The following MRPS28 variants were observed in gnomAD, a reference collection of about 807,000 sequenced individuals.
MRPS28 encodes mitochondrial ribosomal protein S28.
In MRPS28, 7 loss-of-function variants were observed where a neutral mutation model predicts 10.8. The ratio of observed to expected loss-of-function variants is 0.65; its 90% CI spans 0.37 to 1.22. MRPS28 has a LOEUF of 1.22. MRPS28 is among the 50% of genes most tolerant of loss of function. The probability of loss-of-function intolerance (pLI) is 0.02; values close to 1 mark genes in which losing one functional copy is unlikely to be tolerated. For synonymous variants in MRPS28, 121 were observed against 93.3 expected (o/e 1.30, Z -1.71); for missense variants, 265 against 232.9 (o/e 1.14, Z -0.90).
chr8:80,002,950 C>A (rs1808702825), intron 2 of MRPS28, 49 bp downstream of exon 2: 4 of 1,416,384 alleles, frequency 2.8e-6, no homozygotes, highest in Non-Finnish European at 3.8e-6. Context: ...TTTGCGCTAT[C>A]CCAACTTTTA....
intron 2 of MRPS28, among the ~76,000 whole-genome samples, chr8:79,966,892 A>G (rs945290741): frequency 1.3e-5 from 2 of 152,182 alleles, no homozygotes; most frequent in Non-Finnish European, 2.9e-5. Flanking sequence ...GGCTATTCCA[A>G]GGTATAAATT....
chr8:80,029,825 A>G lies in MRPS28; in HGVS notation c.213+211T>C, dbSNP rs755004214. On this transcript the variant is annotated intron_variant, in intron 1 of 2. Coordinates refer to ENST00000276585, the MANE Select transcript of MRPS28 (RefSeq NM_014018.3). The stretch of plus-strand genomic sequence containing the variant: ...GTGGACAGACCCGGCCCAGTACGCA[A>G]ATGCCACACAAAAGGACAACGAAAG... 7 of 1,532,264 alleles carry G rather than the reference A, an allele frequency of 4.6e-6. No individual in the cohort carries two copies. The South Asian group carries it at 4.8e-5, about 11-fold the overall frequency. 94.9% of individuals were successfully genotyped at this position (1,532,264 alleles called of 1,614,324 possible).
At chr8:80,024,219 A>T (rs368102831) in intron 1 of MRPS28, among the ~76,000 whole-genome samples, 4 of 149,376 alleles carry the variant, frequency 2.7e-5, no homozygotes, top group East Asian at 1.9e-4. Flanking sequence ...ACAGAGCAAG[A>T]CCCTGTCTGG....
intron 2 of MRPS28, among the ~76,000 whole-genome samples, chr8:79,973,058 T>C (rs1027146267): frequency 1.3e-5 from 2 of 152,198 alleles, no homozygotes; most frequent in Admixed American, 1.3e-4. Flanking sequence ...AAATGCAGTA[T>C]ACTGGTTTGG....
intron 2 of MRPS28, among the ~76,000 whole-genome samples, chr8:79,942,235 T>C (rs1235191527): frequency 6.6e-6 from 1 of 152,212 alleles, no homozygotes; most frequent in African/African-American, 2.4e-5. Flanking sequence ...CAACCAGGAC[T>C]GCACTGACTC....
intron 2 of MRPS28, among the ~76,000 whole-genome samples, chr8:79,929,032 C>T (rs1017805415): frequency 2.0e-5 from 3 of 151,948 alleles, no homozygotes; most frequent in Non-Finnish European, 4.4e-5. Context: ...AGTAACAAAG[C>T]GAGACTCCGT....
At chr8:79,939,459 TA>T (rs764182970) in intron 2 of MRPS28, among the ~76,000 whole-genome samples, 1 of 151,562 alleles carries the variant, frequency 6.6e-6, no homozygotes, top group Non-Finnish European at 1.5e-5. Context: ...ATATTGTGAT[TA>T]AAAAAAAATC....
intron 2 of MRPS28, among the ~76,000 whole-genome samples, chr8:79,955,537 A>G (rs1178033757): frequency 6.6e-6 from 1 of 152,112 alleles, no homozygotes; most frequent in African/African-American, 2.4e-5. Context: ...CTGTGCTGAC[A>G]GTTTCCTCAA....
In MRPS28 at chr8:79,932,828, C is replaced by T. The variant is rs116322731; in HGVS notation, c.396-13680G>A. 6.9e-3 allele frequency among the ~76,000 whole-genome samples: 1,048 copies of T among 152,272 alleles called. 10 individuals are homozygous for T. Among genetic ancestry groups the T allele is most frequent in the African/African-American group, 0.024 (1,005 of 41,556 alleles). On this transcript the variant is annotated intron_variant, in intron 2 of 2. Transcript: ENST00000276585. The stretch of plus-strand genomic sequence containing the variant: ...CACTGATAAAGCTGTCTGTCTTGGT[C>T]AGAATTCACTCAGGACCATGGTAGA...
intron 2 of MRPS28, among the ~76,000 whole-genome samples, chr8:79,974,361 A>AC (rs966937544): frequency 6.6e-6 from 1 of 151,852 alleles, no homozygotes; most frequent in Non-Finnish European, 1.5e-5. Flanking sequence ...TAACACGGTG[A>AC]CCCCTTGTCT....
At chr8:79,988,417 TATA>T (rs901339224) in intron 2 of MRPS28, among the ~76,000 whole-genome samples, 178 of 150,460 alleles carry the variant, frequency 1.2e-3, no homozygotes, top group African/African-American at 4.2e-3. Context: ...AAACTTAAAG[TATA>T]ATAATAATAA....
rs182765669 is a variant in MRPS28 at position 80,026,470 on chromosome 8, A to G, written c.213+3566T>C. 2.0e-5 allele frequency among the ~76,000 whole-genome samples: 3 copies of G among 152,346 alleles called. No individual in the cohort carries two copies. In the East Asian group the frequency reaches 5.8e-4, roughly 29 times the overall value. On this transcript the variant is annotated intron_variant, in intron 1 of 2. Coordinates refer to ENST00000276585, the MANE Select transcript of MRPS28 (RefSeq NM_014018.3). ...ACAGTGACACATATATTACAATTCA[A>G]CGACAGGCCAGGTATAACTGAAGTT...
intron 2 of MRPS28, among the ~76,000 whole-genome samples, chr8:79,984,600 A>G (rs1409344176): frequency 6.6e-6 from 1 of 152,192 alleles, no homozygotes; most frequent in East Asian, 1.9e-4. Flanking sequence ...CAAATGGAAA[A>G]CAAAAAAAGG....
At chr8:79,922,478 C>A (rs1810120291) in intron 2 of MRPS28, among the ~76,000 whole-genome samples, 1 of 152,094 alleles carries the variant, frequency 6.6e-6, no homozygotes. Flanking sequence ...GTGTTCTCAT[C>A]ATCAAAAATG....
chr8:80,008,380 A>T (rs1354203561), intron 1 of MRPS28, among the ~76,000 whole-genome samples: 1 of 152,190 alleles, frequency 6.6e-6, no homozygotes, highest in Non-Finnish European at 1.5e-5. Flanking sequence ...CTTCATGTCT[A>T]AAACACCAAA....
intron 2 of MRPS28, among the ~76,000 whole-genome samples, chr8:79,938,653 G>A (rs905368128): frequency 6.6e-6 from 1 of 152,108 alleles, no homozygotes; most frequent in African/African-American, 2.4e-5. Flanking sequence ...CTGGCAAAGT[G>A]CATCTGTTTA....
At chr8:79,946,324 T>C (rs540588807) in intron 2 of MRPS28, among the ~76,000 whole-genome samples, 2 of 152,250 alleles carry the variant, frequency 1.3e-5, no homozygotes, top group African/African-American at 2.4e-5. Context: ...ACTATTAATG[T>C]GTATATACTT....
At chr8:79,947,978 T>C (rs1806969345) in intron 2 of MRPS28, among the ~76,000 whole-genome samples, 1 of 149,122 alleles carries the variant, frequency 6.7e-6, no homozygotes, top group Non-Finnish European at 1.5e-5. Context: ...GTGTTAAATT[T>C]TTCTTTTTTT....
chr8:79,946,954 A>G (rs780318596), intron 2 of MRPS28, among the ~76,000 whole-genome samples: 3 of 152,224 alleles, frequency 2.0e-5, no homozygotes, highest in Non-Finnish European at 4.4e-5. Context: ...TAGCCACTAC[A>G]TTTAGAAAAC....
Sources: allele counts gnomAD v4.1 joint callset (sites outside exome capture counted in the v4.1 genomes callset), GRCh38; gene constraint gnomAD v4.1.1; transcripts MANE v1.5; gene names NCBI Gene and HGNC (gene_info 2026-07-23, HGNC 2026-07-21).